RGS7: variants seen among roughly 807,000 people sequenced by gnomAD.
The protein encoded by RGS7 is regulator of G-protein signaling 7.
RGS7 carries 27 observed loss-of-function variants against 81.1 expected under a neutral mutation model. That is an observed-to-expected ratio of 0.33 (90% CI 0.25 to 0.46). The LOEUF is 0.46. RGS7 is among the 20% of genes least tolerant of loss of function. The pLI is 1.00. For synonymous variants in RGS7, 208 were observed against 207.7 expected, an observed-to-expected ratio of 1.00 and a Z score of -0.01; for missense variants, 396 against 607.4, an observed-to-expected ratio of 0.65 and a Z score of 3.66.
chr1:240,960,284 C>A (rs1681204697), intron 4 of RGS7, among the ~76,000 whole-genome samples: 1 of 120,038 alleles, frequency 8.3e-6, no homozygotes, highest in Non-Finnish European at 1.6e-5. Flanking sequence ...TGCTTTGTCA[C>A]CCAGGCTGGA....
rs887430257 is a variant in RGS7 at position 240,887,480 on chromosome 1, G to A, written c.386-17361C>T. On this transcript the variant is annotated intron_variant, in intron 6 of 18. Transcript: ENST00000440928. ...CCTGACTTCGTGATCTGCCCGCCTC[G>A]GCCTCCCAAAGTCCTGGGATTACAG... Among the ~76,000 whole-genome samples, 14 of 151,926 alleles carry A rather than the reference G, an allele frequency of 9.2e-5. 1 individual carries two copies. In the East Asian group the frequency reaches 1.2e-3, roughly 13 times the overall value.
chr1:240,895,462 G>A (rs7413107), intron 6 of RGS7, among the ~76,000 whole-genome samples: 19,328 of 151,452 alleles, frequency 0.13, 1,345 homozygotes, highest in Middle Eastern at 0.17. Flanking sequence ...GACAGGCCCC[G>A]GTGTGTGATG....
At chr1:241,176,120 A>G (rs1249775653) in intron 2 of RGS7, among the ~76,000 whole-genome samples, 1 of 152,220 alleles carries the variant, frequency 6.6e-6, no homozygotes, top group Non-Finnish European at 1.5e-5. Flanking sequence ...CTGCCTAGAC[A>G]GTAACAGAGC....
In RGS7 at chr1:241,019,348, TTTTA is replaced by T. The variant is rs574661804; in HGVS notation, c.176-36223_176-36220del. On this transcript the variant is annotated intron_variant, in intron 3 of 18. Coordinates refer to ENST00000440928, the MANE Select transcript of RGS7 (RefSeq NM_001364886.1). The stretch of plus-strand genomic sequence containing the variant: ...TTTTTTTAGAAGAATTATAACTTTA[TTTTA>T]TTTATTTATTTTTTTAAATTATACT... Among the ~76,000 whole-genome samples the T allele has an allele frequency of 1.1e-4, 16 of 152,188 alleles. No homozygotes were observed. The East Asian group carries it at 1.7e-3, about 17-fold the overall frequency.
At chr1:241,230,381 T>C (rs1204796486) in intron 2 of RGS7, among the ~76,000 whole-genome samples, 1 of 152,034 alleles carries the variant, frequency 6.6e-6, no homozygotes, top group East Asian at 1.9e-4. Flanking sequence ...GCCTGACTAA[T>C]TTTTGTATTT....
At chr1:240,963,483 G>A (rs1050776395) in intron 4 of RGS7, among the ~76,000 whole-genome samples, 11 of 152,156 alleles carry the variant, frequency 7.2e-5, no homozygotes, top group African/African-American at 2.2e-4. Flanking sequence ...GATGGAGGGT[G>A]ATGAAGTTAT....
intron 2 of RGS7, among the ~76,000 whole-genome samples, chr1:241,156,907 C>T (rs2069198454): frequency 6.6e-6 from 1 of 152,220 alleles, no homozygotes; most frequent in South Asian, 2.1e-4. Flanking sequence ...CTACTGTCTC[C>T]TCTCTTCCCT....
intron 2 of RGS7, among the ~76,000 whole-genome samples, chr1:241,272,251 C>T (rs2077954931): frequency 1.3e-5 from 2 of 151,962 alleles, no homozygotes. Context: ...CCTCGGCCTC[C>T]CAAAGTGCTG....
chr1:241,117,428 G>C (rs1322018339), intron 2 of RGS7, among the ~76,000 whole-genome samples: 1 of 152,150 alleles, frequency 6.6e-6, no homozygotes, highest in African/African-American at 2.4e-5. Flanking sequence ...CACTAAAGTA[G>C]CTAGTACTTA....
At chr1:241,004,261 C>G (rs1370979005) in intron 3 of RGS7, among the ~76,000 whole-genome samples, 2 of 152,150 alleles carry the variant, frequency 1.3e-5, no homozygotes, top group Non-Finnish European at 2.9e-5. Flanking sequence ...CCCAGCCTTT[C>G]TTACTGCTGC....
chr1:241,060,130 C>T (rs1014209643), intron 3 of RGS7, among the ~76,000 whole-genome samples: 1 of 151,994 alleles, frequency 6.6e-6, no homozygotes, highest in East Asian at 1.9e-4. Flanking sequence ...CAGAGTGACT[C>T]AGGAAATGGA....
chr1:240,998,457 G>C (rs1485247990), intron 3 of RGS7: 2 of 921,070 alleles, frequency 2.2e-6, no homozygotes, highest in Non-Finnish European at 3.4e-6. Context: ...TCGTCAAAAA[G>C]ACCAAAGCCC....
chr1:241,261,919 A>G (rs2077355708), intron 2 of RGS7, among the ~76,000 whole-genome samples: 1 of 152,210 alleles, frequency 6.6e-6, no homozygotes, highest in African/African-American at 2.4e-5. Context: ...TGAGATTAAA[A>G]TAATAATAAA....
intron 3 of RGS7, among the ~76,000 whole-genome samples, chr1:241,000,419 AT>A (rs1315568212): frequency 6.6e-6 from 1 of 152,194 alleles, no homozygotes; most frequent in Non-Finnish European, 1.5e-5. Flanking sequence ...CTTTACAGCT[AT>A]CCAGGTTGTG....
chr1:241,249,752 C>G (rs542845340), intron 2 of RGS7, among the ~76,000 whole-genome samples: 1 of 152,058 alleles, frequency 6.6e-6, no homozygotes, highest in Non-Finnish European at 1.5e-5. Flanking sequence ...AACTCTTGGA[C>G]AAGTGAACAA....
intron 2 of RGS7, among the ~76,000 whole-genome samples, chr1:241,186,088 G>A (rs906312047): frequency 4.6e-5 from 7 of 151,964 alleles, no homozygotes; most frequent in African/African-American, 1.7e-4. Context: ...GATTGACCAA[G>A]ATAAACAGAG....
chr1:240,882,009 G>A lies in RGS7; in HGVS notation c.386-11890C>T, dbSNP rs546617941. On this transcript the variant is annotated intron_variant, in intron 6 of 18. Coordinates refer to ENST00000440928, the MANE Select transcript of RGS7 (RefSeq NM_001364886.1). Reference sequence around the variant, plus strand: ...AGCTCACTGTTATCTCCACCTCCCTGGTTCAAGCTATTCTCCAGCCTCAGC... The same window carrying A: ...AGCTCACTGTTATCTCCACCTCCCTAGTTCAAGCTATTCTCCAGCCTCAGC... Among the ~76,000 whole-genome samples the A allele has an allele frequency of 7.9e-5, 12 of 151,754 alleles. No individual in the cohort carries two copies. The South Asian group carries it at 2.5e-3, about 32-fold the overall frequency.
At position 241,287,841 on chromosome 1, in the gene RGS7, G is replaced by C. The variant is rs112357048; in HGVS notation, c.78+67858C>G. Among the ~76,000 whole-genome samples the C allele has an allele frequency of 4.6e-3, 701 of 152,146 alleles. 8 individuals carry two copies. Among genetic ancestry groups the C allele is most frequent in the African/African-American group, 0.017 (685 of 41,504 alleles). Reference sequence around the variant, plus strand: ...TTGCCCTTTTCTAAAGCAAATAACTGTCAGGCTTGGGCAAATGCAGGGGCC... The same window carrying C: ...TTGCCCTTTTCTAAAGCAAATAACTCTCAGGCTTGGGCAAATGCAGGGGCC... On this transcript the variant is annotated intron_variant, in intron 2 of 18. Coordinates refer to ENST00000440928, the MANE Select transcript of RGS7 (RefSeq NM_001364886.1).
In RGS7 at chr1:241,052,855, G is replaced by A. The variant is rs2061322800; in HGVS notation, c.175+45811C>T. On this transcript the variant is annotated intron_variant, in intron 3 of 18. Coordinates refer to ENST00000440928, the MANE Select transcript of RGS7 (RefSeq NM_001364886.1). ...ATGAATAGAAAGCAGCTGTATAGCTGAGCTTAAATGTAGCCCAATCATGTC... is the reference window on the plus strand; with the variant it reads ...ATGAATAGAAAGCAGCTGTATAGCTAAGCTTAAATGTAGCCCAATCATGTC... Among the ~76,000 whole-genome samples the A allele has an allele frequency of 8.6e-5, 13 of 151,864 alleles. No individual in the cohort carries two copies. The South Asian group carries it at 2.7e-3, about 32-fold the overall frequency.
Sources: allele counts gnomAD v4.1 joint callset (sites outside exome capture counted in the v4.1 genomes callset), GRCh38; gene constraint gnomAD v4.1.1; transcripts MANE v1.5; gene names NCBI Gene and HGNC (gene_info 2026-07-23, HGNC 2026-07-21).